ZNF718: variants seen among roughly 807,000 people sequenced by gnomAD.
ZNF718 encodes the protein zinc finger protein 718.
Under a neutral mutation model 2.6 loss-of-function variants are expected in ZNF718, and 3 were observed. The observed-to-expected ratio is 1.16, with a 90% CI of 0.53 to 3.01. ZNF718 has a LOEUF of 3.01. ZNF718 is among the 30% of genes most tolerant of loss of function. The pLI, the probability that ZNF718 is intolerant of heterozygous loss-of-function variation, is 0.03. For missense variants in ZNF718, 468 were observed against 230.0 expected (o/e 2.03, Z -6.69); for synonymous variants, 135 against 77.9 (o/e 1.73, Z -3.86).
intron 3 of ZNF718, among the ~76,000 whole-genome samples, chr4:170,260 TC>T (rs1553817711): frequency 6.6e-6 from 1 of 152,190 alleles, no homozygotes; most frequent in Non-Finnish European, 1.5e-5. Context: ...ACCCGACCTT[TC>T]TCTCTGGCTG....
chr4:175,254 G>C (rs1469619018), intron 3 of ZNF718, among the ~76,000 whole-genome samples: 1 of 152,122 alleles, frequency 6.6e-6, no homozygotes, highest in Non-Finnish European at 1.5e-5. Flanking sequence ...CTGGAGAGAT[G>C]GGTCTTTTGG....
At chr4:126,812 T>C (rs1386203909) in intron 1 of ZNF718, among the ~76,000 whole-genome samples, 1 of 151,544 alleles carries the variant, frequency 6.6e-6, no homozygotes, top group Non-Finnish European at 1.5e-5. Flanking sequence ...TTTTTTAGGA[T>C]TGGAGATAAT....
chr4:154,849 G>C (rs1157740043), intron 3 of ZNF718, among the ~76,000 whole-genome samples: 1 of 152,190 alleles, frequency 6.6e-6, no homozygotes, highest in African/African-American at 2.4e-5. Flanking sequence ...AAGACACTGG[G>C]AAAAATGTCT....
intron 3 of ZNF718, among the ~76,000 whole-genome samples, chr4:156,841 A>T (rs922419054): frequency 2.0e-5 from 3 of 152,156 alleles, no homozygotes; most frequent in Admixed American, 6.5e-5. Context: ...TATCCATCTG[A>T]TGAGAGACAT....
chr4:168,275 C>T (rs984256099), downstream of ZNF718, among the ~76,000 whole-genome samples: 1 of 152,168 alleles, frequency 6.6e-6, no homozygotes, highest in Admixed American at 6.6e-5. Flanking sequence ...AGGATTTTCA[C>T]ATTGATGTTC....
intron 3 of ZNF718, among the ~76,000 whole-genome samples, chr4:133,825 TATA>T (rs1312235505): frequency 1.3e-5 from 2 of 152,214 alleles, no homozygotes; most frequent in Non-Finnish European, 2.9e-5. Context: ...ATGTGTACAG[TATA>T]ATGATTTGAT....
chr4:141,852 G>T (rs77294947), intron 3 of ZNF718, among the ~76,000 whole-genome samples: 2,068 of 152,128 alleles, frequency 0.014, 48 homozygotes, highest in African/African-American at 0.048. Flanking sequence ...AGGTATATTT[G>T]GTCACCTGGT....
chr4:133,589 A>G (rs560937875), intron 3 of ZNF718, among the ~76,000 whole-genome samples: 138 of 152,332 alleles, frequency 9.1e-4, no homozygotes, highest in African/African-American at 3.2e-3. Flanking sequence ...TGTATAATAA[A>G]TTCTTACTTA....
chr4:192,895 G>A (rs1264052278), intron 3 of ZNF718, among the ~76,000 whole-genome samples: 1 of 152,200 alleles, frequency 6.6e-6, no homozygotes, highest in Non-Finnish European at 1.5e-5. Flanking sequence ...CACAGGCCCT[G>A]ACTATCTGCT....
rs1407411162 is a variant in ZNF718, at chr4:163,737, T to TA, written c.*1617dup. The TA allele has an allele frequency of 6.6e-6, 1 of 152,198 alleles. No homozygotes were observed. The highest frequency in any genetic ancestry group is 1.5e-5 in the Non-Finnish European group (1 of 68,028). 9.4% of individuals were successfully genotyped at this position (152,198 alleles called of 1,614,324 possible). On this transcript the variant is annotated 3_prime_UTR_variant, in exon 4 of 4. Transcript: ENST00000510175. ...ACTCAAGGGTGTAGGTAAAAAATGG[T>TA]AACAGTATACTTTTAGTAACATAGT...
chr4:164,200 T>C (rs1553816322), downstream of ZNF718, among the ~76,000 whole-genome samples: 1 of 152,080 alleles, frequency 6.6e-6, no homozygotes. Flanking sequence ...CTGGCAAACA[T>C]GTACAGACTT....
At chr4:170,395 T>C (rs1487771588) in intron 3 of ZNF718, among the ~76,000 whole-genome samples, 1 of 151,832 alleles carries the variant, frequency 6.6e-6, no homozygotes, top group Non-Finnish European at 1.5e-5. Context: ...ATGTTGGCCT[T>C]CCTTGCTAGA....
At chr4:167,693 T>A (rs1262036466), downstream of ZNF718, among the ~76,000 whole-genome samples, 1 of 152,168 alleles carries the variant, frequency 6.6e-6, no homozygotes, top group Non-Finnish European at 1.5e-5. Flanking sequence ...TTTTTGCACA[T>A]TGATTTTGTG....
At chr4:149,430 G>C (rs1457171095) in intron 3 of ZNF718, among the ~76,000 whole-genome samples, 2 of 152,076 alleles carry the variant, frequency 1.3e-5, no homozygotes, top group Non-Finnish European at 2.9e-5. Context: ...TTGTGGGTTA[G>C]AATTTTTATT....
rs559331115 is a variant in ZNF718 at position 140,280 on chromosome 4, A to AG, written c.226+8777dup. Among the ~76,000 whole-genome samples, 21 of 152,178 alleles carry AG rather than the reference A, an allele frequency of 1.4e-4. 1 individual carries two copies. In the South Asian group the frequency reaches 4.4e-3, roughly 32 times the overall value. On this transcript the variant is annotated intron_variant, in intron 3 of 3. Coordinates refer to ENST00000510175, the MANE Select transcript of ZNF718 (RefSeq NM_001039127.6). Reference sequence around the variant, plus strand: ...CTGACACTGAGATCGGATCCACAGGAGGATACTCTGTGGGTCCTGCGGACC... The same window carrying AG: ...CTGACACTGAGATCGGATCCACAGGAGGGATACTCTGTGGGTCCTGCGGACC...
At position 198,239 on chromosome 4, in the gene ZNF718, C is replaced by A. The variant is rs190549243; in HGVS notation, c.227-2842C>A. ...TGATGTTGAAGCTCTTCTCATCTGC[C>A]ATGGCTGCCTGGCCAGGTCATAGAC... is the stretch of plus-strand genomic sequence containing the variant. On this transcript the variant is annotated intron_variant and NMD_transcript_variant, in intron 3 of 4. Transcript: ENST00000642529. Among the ~76,000 whole-genome samples, 22 of 152,294 alleles carry A rather than the reference C, an allele frequency of 1.4e-4. No homozygotes were observed. In the East Asian group the frequency reaches 4.3e-3, roughly 29 times the overall value.
At chr4:157,986 A>G (rs552421252) in intron 3 of ZNF718, among the ~76,000 whole-genome samples, 3 of 152,156 alleles carry the variant, frequency 2.0e-5, no homozygotes, top group Non-Finnish European at 4.4e-5. Flanking sequence ...TTCTGTCAGT[A>G]TTTGCTTTAT....
chr4:125,174 C>G (rs1553807746), intron 1 of ZNF718: 1 of 156,216 alleles, frequency 6.4e-6, no homozygotes, highest in African/African-American at 2.4e-5. Context: ...CCTGCGCCAA[C>G]TTTGCCGCCA....
In ZNF718 at chr4:130,914, G is replaced by C. The variant is rs1356827807; in HGVS notation, c.130G>C (p.Gly44Arg). The C allele has an allele frequency of 2.9e-6, 1 of 344,794 alleles. No homozygotes were observed. Among genetic ancestry groups the C allele is most frequent in the Non-Finnish European group, 5.2e-6 (1 of 191,670 alleles). 21.4% of individuals were successfully genotyped at this position (344,794 alleles called of 1,614,324 possible). ...LENYRNLVSL[G>R]VSISNPDLVT... ...GAACTACAGAAACCTGGTCTCCCTG[G>C]GTAAGGATAACTTTAATATGTAATT... The change falls in exon 2 of 4, where the codon GGT (glycine) becomes CGT (arginine). Residue 44 changes from glycine to arginine, a missense_variant and splice_region_variant. Physicochemically the swap from Gly to Arg is moderately radical, Grantham distance 125. Transcript: ENST00000510175.
Sources: allele counts gnomAD v4.1 joint callset (sites outside exome capture counted in the v4.1 genomes callset), GRCh38; gene constraint gnomAD v4.1.1; transcripts MANE v1.5; gene names NCBI Gene and HGNC (gene_info 2026-07-23, HGNC 2026-07-21).